TMEM74: variants seen among roughly 807,000 people sequenced by gnomAD.
The protein encoded by TMEM74 is transmembrane protein 74.
In TMEM74, 13 loss-of-function variants were observed where a neutral mutation model predicts 18.1. That is an observed-to-expected ratio of 0.72 (90% CI 0.47 to 1.14). The LOEUF (loss-of-function observed/expected upper bound fraction) is 1.14. Among genes scored for constraint, TMEM74 ranks in the 50% most tolerant of loss-of-function variants. The pLI is 0.00. For synonymous variants in TMEM74, 159 were observed against 146.6 expected (o/e 1.08, Z -0.61); for missense variants, 372 against 375.9 (o/e 0.99, Z 0.09).
At chr8:108,661,101 T>C (rs1270143297) in intron 1 of TMEM74, among the ~76,000 whole-genome samples, 1 of 152,154 alleles carries the variant, frequency 6.6e-6, no homozygotes, top group Non-Finnish European at 1.5e-5. Flanking sequence ...CCATCTCCTC[T>C]GTAGCATTTT....
intron 2 of TMEM74, among the ~76,000 whole-genome samples, chr8:108,630,475 G>A (rs1335210003): frequency 6.6e-6 from 1 of 151,952 alleles, no homozygotes; most frequent in South Asian, 2.1e-4. Context: ...TGGACCAAGT[G>A]GACCTAATAG....
In TMEM74 at chr8:108,702,323, C is replaced by T. The variant is rs199568965; in HGVS notation, n.120-46886G>A. Among the ~76,000 whole-genome samples, 98 of 134,990 alleles carry T rather than the reference C, an allele frequency of 7.3e-4. 1 individual carries two copies. The East Asian group carries it at 0.015, about 20-fold the overall frequency. The allele number at this position is 134,990 out of a possible 152,430, so 88.6% of individuals were successfully genotyped here. ...TTGAGCCACTGCACTCCAGCCCTGGCGACGGTGTGAGACTCCATCTAAAAA... is the reference window on the plus strand; with the variant it reads ...TTGAGCCACTGCACTCCAGCCCTGGTGACGGTGTGAGACTCCATCTAAAAA... On this transcript the variant is annotated intron_variant and non_coding_transcript_variant, in intron 1 of 3. Transcript: ENST00000518838.
In TMEM74 at chr8:108,626,609, G is replaced by A. The variant is rs909304175; in HGVS notation, n.265-17783C>T. The A allele has an allele frequency of 3.3e-5, 5 of 152,224 alleles. No individual in the cohort carries two copies. In the East Asian group the frequency reaches 7.8e-4, roughly 24 times the overall value. The allele number at this position is 152,224 out of a possible 1,614,324, so 9.4% of individuals were successfully genotyped here. A position where few individuals can be genotyped will look rare whatever the true frequency, so the allele number is the denominator to read the frequency against. On this transcript the variant is annotated intron_variant and non_coding_transcript_variant, in intron 2 of 3. Transcript: ENST00000518838. ...TGGAGGTGGTCTGGGCCAGTGACCTGAGGACTGGAAAATCATTGACAATCT... is the reference window on the plus strand; with the variant it reads ...TGGAGGTGGTCTGGGCCAGTGACCTAAGGACTGGAAAATCATTGACAATCT...
In TMEM74 at chr8:108,785,061, G is replaced by T; in HGVS notation, c.38C>A (p.Ala13Glu). The T allele has an allele frequency of 6.2e-7, 1 of 1,611,774 alleles. No individual in the cohort carries two copies. The highest frequency in any genetic ancestry group is 8.5e-7 in the Non-Finnish European group (1 of 1,179,178). Residue 13 changes from alanine (A) to glutamate (E), a missense_variant, in exon 2 of 2, where the codon GCA (alanine) becomes GAA (glutamate). Transcript: ENST00000297459. ...LHYLAKKSNQ[A>E]DLCDARDWSS... ...CCAGTCCCTGGCATCACAGAGGTCTGCCTGGTTGCTCTTCTTAGCAAGGTA... is the reference window on the plus strand; with the variant it reads ...CCAGTCCCTGGCATCACAGAGGTCTTCCTGGTTGCTCTTCTTAGCAAGGTA...
chr8:108,654,366 G>A (rs541245770), intron 2 of TMEM74, among the ~76,000 whole-genome samples: 43 of 152,164 alleles, frequency 2.8e-4, no homozygotes, highest in African/African-American at 1.0e-3. Flanking sequence ...TTTTCATATA[G>A]GGTTATACTG....
chr8:108,640,478 A>G (rs1437646891), intron 2 of TMEM74, among the ~76,000 whole-genome samples: 1 of 152,002 alleles, frequency 6.6e-6, no homozygotes, highest in Non-Finnish European at 1.5e-5. Context: ...TCTACTCAGT[A>G]TATTTATTTT....
intron 2 of TMEM74, chr8:108,653,067 C>T (rs990426287): frequency 5.7e-6 from 1 of 173,916 alleles, no homozygotes; most frequent in East Asian, 1.7e-4. Flanking sequence ...CTTTGATGGA[C>T]TTGTGGATGA....
intron 1 of TMEM74, among the ~76,000 whole-genome samples, chr8:108,756,604 A>G (rs113639708): frequency 0.057 from 2,259 of 39,952 alleles, 74 homozygotes; most frequent in Non-Finnish European, 0.071. Flanking sequence ...AAGAGAAAGG[A>G]AGGAAGGAAG....
chr8:108,713,468 T>A (rs1813492566), intron 1 of TMEM74, among the ~76,000 whole-genome samples: 1 of 152,230 alleles, frequency 6.6e-6, no homozygotes, highest in Non-Finnish European at 1.5e-5. Flanking sequence ...ACATATTTTT[T>A]ATCACCTATG....
At chr8:108,741,287 T>A (rs895608436) in intron 1 of TMEM74, among the ~76,000 whole-genome samples, 1 of 152,198 alleles carries the variant, frequency 6.6e-6, no homozygotes, top group African/African-American at 2.4e-5. Flanking sequence ...GATTTTAATA[T>A]AAAAGTAAGA....
Position 108,780,579 on chromosome 8 carries a change from G to A in TMEM74, c.*3602C>T, listed in dbSNP as rs913932177. Among the ~76,000 whole-genome samples the A allele has an allele frequency of 2.6e-5, 4 of 152,190 alleles. No homozygotes were observed. The highest frequency in any genetic ancestry group is 5.9e-5 in the Non-Finnish European group (4 of 68,034). On this transcript the variant is annotated 3_prime_UTR_variant, in exon 2 of 2. Transcript: ENST00000297459. ...CTCTTTTCAGAAATTGTACCTTGAA[G>A]GGCATGTGCCAGCACTGGTCCAATT... is the stretch of plus-strand genomic sequence containing the variant.
At chr8:108,689,251 G>A (rs552978118) in intron 1 of TMEM74, among the ~76,000 whole-genome samples, 24 of 152,226 alleles carry the variant, frequency 1.6e-4, no homozygotes, top group African/African-American at 2.4e-4. Flanking sequence ...CAAGAAATGC[G>A]GACAAATACC....
At chr8:108,680,788 T>C (rs890322702) in intron 1 of TMEM74, among the ~76,000 whole-genome samples, 6 of 152,134 alleles carry the variant, frequency 3.9e-5, no homozygotes, top group African/African-American at 1.4e-4. Flanking sequence ...GCCCAAAATC[T>C]CCTTAAGCTG....
intron 2 of TMEM74, among the ~76,000 whole-genome samples, chr8:108,649,663 C>T (rs1812753530): frequency 1.3e-5 from 2 of 152,128 alleles, no homozygotes; most frequent in Non-Finnish European, 2.9e-5. Context: ...AGACAAGCAG[C>T]CAGTAGCACC....
intron 1 of TMEM74, among the ~76,000 whole-genome samples, chr8:108,766,097 A>T (rs1267285956): frequency 6.6e-6 from 1 of 152,166 alleles, no homozygotes; most frequent in Non-Finnish European, 1.5e-5. Context: ...AAATGACCTC[A>T]TCCAGCAGGA....
At chr8:108,766,187 G>A (rs939189155) in intron 1 of TMEM74, among the ~76,000 whole-genome samples, 3 of 150,986 alleles carry the variant, frequency 2.0e-5, no homozygotes, top group Non-Finnish European at 4.4e-5. Context: ...ATTAATTTGG[G>A]GGTTATTTCT....
chr8:108,658,493 AC>A (rs1418976829), intron 1 of TMEM74, among the ~76,000 whole-genome samples: 2 of 152,186 alleles, frequency 1.3e-5, no homozygotes, highest in Non-Finnish European at 2.9e-5. Context: ...GGATACTCTT[AC>A]CCAATTTAGA....
downstream of TMEM74, among the ~76,000 whole-genome samples, chr8:108,776,281 T>C (rs1475881024): frequency 6.6e-6 from 1 of 152,182 alleles, no homozygotes; most frequent in African/African-American, 2.4e-5. Flanking sequence ...TCACTTGAGG[T>C]AAGGAGGTTG....
chr8:108,703,498 A>T (rs969343405), intron 1 of TMEM74, among the ~76,000 whole-genome samples: 5 of 152,196 alleles, frequency 3.3e-5, no homozygotes, highest in Admixed American at 3.3e-4. Flanking sequence ...TGAATGGATG[A>T]GTCAATAATT....
Sources: gnomAD v4.1 joint callset for allele counts (sites outside exome capture counted in the v4.1 genomes callset) on GRCh38, gnomAD v4.1.1 for gene constraint, MANE v1.5 for transcripts, NCBI Gene and HGNC (gene_info 2026-07-23, HGNC 2026-07-21) for gene names.